The following TMEM59 variants were observed in gnomAD, a reference collection of about 807,000 sequenced individuals.
TMEM59 encodes the protein transmembrane protein 59, also known as dendritic cell factor 1.
TMEM59 carries 44 observed loss-of-function variants against 42.2 expected under a neutral mutation model. That is an observed-to-expected ratio of 1.04 (90% CI 0.82 to 1.34). TMEM59 has a LOEUF of 1.34. Ranked by LOEUF, TMEM59 falls within the 40% of genes most tolerant of loss-of-function variation. TMEM59 has a pLI of 0.00. For missense variants in TMEM59, 359 were observed against 382.8 expected (o/e 0.94, Z 0.52); for synonymous variants, 148 against 145.8 (o/e 1.02, Z -0.11).
intron 5 of TMEM59, 24 bp from the exon 6 acceptor site, chr1:54,040,861 T>C: frequency 6.3e-7 from 1 of 1,591,850 alleles, no homozygotes; most frequent in South Asian, 1.1e-5. Context: ...AAGTATGAGT[T>C]TATTATATCC....
chr1:54,047,855 G>A (rs1261714333), intron 1 of TMEM59: 1 of 161,810 alleles, frequency 6.2e-6, no homozygotes. Context: ...TGTTGTCCTA[G>A]TACTCAGTAG....
chr1:54,040,985 T>C (rs1245199936), intron 5 of TMEM59, 148 bp from the exon 6 acceptor site: 1 of 615,408 alleles, frequency 1.6e-6, no homozygotes, highest in Non-Finnish European at 2.8e-6. Context: ...CCAGTTTCTC[T>C]AGCACATCAA....
intron 7 of TMEM59, among the ~76,000 whole-genome samples, chr1:54,035,613 T>A (rs919673474): frequency 6.8e-6 from 1 of 146,296 alleles, no homozygotes; most frequent in African/African-American, 2.8e-5. Context: ...CTCCAGCATT[T>A]TTTTTTCTTT....
chr1:54,040,310 G>A (rs1286991351), intron 6 of TMEM59, among the ~76,000 whole-genome samples: 4 of 151,898 alleles, frequency 2.6e-5, no homozygotes, highest in African/African-American at 7.3e-5. Context: ...GCACCACCAC[G>A]CCCGGCTAAT....
At chr1:54,050,283 C>T (rs1389970414) in intron 1 of TMEM59, among the ~76,000 whole-genome samples, 2 of 151,020 alleles carry the variant, frequency 1.3e-5, no homozygotes, top group Non-Finnish European at 3.0e-5. Flanking sequence ...GCGCCATGTT[C>T]GGCTAATTTT....
chr1:54,043,462 T>C lies in TMEM59; in HGVS notation c.454A>G (p.Ser152Gly), dbSNP rs1657214556. The stretch of plus-strand genomic sequence containing the variant: ...CTCTGTGCGGAGTCCATCATGTCAC[T>C]CCAGAATGACCTCACCAGAGTTAGA... ...FPLTLVRSFW[S>G]DMMDSAQSFI... Residue 152 changes from serine to glycine, a missense_variant, in exon 4 of 8, where the codon AGT becomes GGT. Transcript: ENST00000234831. The C allele has an allele frequency of 1.3e-6, 2 of 1,577,912 alleles. No individual in the cohort carries two copies. The highest frequency in any genetic ancestry group is 1.2e-5 in the South Asian group (1 of 85,054).
intron 7 of TMEM59, 95 bp downstream of exon 7, chr1:54,036,515 T>C (rs1408500433): frequency 1.2e-6 from 1 of 848,936 alleles, no homozygotes; most frequent in Non-Finnish European, 1.7e-6. Flanking sequence ...CTCTTTCTAT[T>C]AGTAGAAAGG....
At chr1:54,051,294 T>A (rs566939199) in intron 1 of TMEM59, among the ~76,000 whole-genome samples, 1 of 152,220 alleles carries the variant, frequency 6.6e-6, no homozygotes, top group Non-Finnish European at 1.5e-5. Context: ...TCCTTAATTT[T>A]AAAACCCTAC....
At chr1:54,047,609 C>T (rs935357883) in intron 1 of TMEM59, 159 of 417,790 alleles carry the variant, frequency 3.8e-4, no homozygotes, top group Non-Finnish European at 8.4e-5. Flanking sequence ...GTAAAACCAC[C>T]ACCCTTTTTC....
chr1:54,041,854 T>C (rs1460182942), intron 4 of TMEM59, 49 bp from the exon 5 acceptor site: 3 of 1,437,860 alleles, frequency 2.1e-6, no homozygotes, highest in Admixed American at 1.8e-5. Flanking sequence ...CTTTAGCTTT[T>C]TTCAGTAACA....
intron 7 of TMEM59, among the ~76,000 whole-genome samples, chr1:54,032,922 CTCT>C (rs1557672377): frequency 6.7e-6 from 1 of 149,860 alleles, no homozygotes; most frequent in Non-Finnish European, 1.5e-5. Flanking sequence ...ATGTCTCTGT[CTCT>C]TTTTTTTTTT....
intron 1 of TMEM59, among the ~76,000 whole-genome samples, chr1:54,051,703 T>C (rs762385975): frequency 6.6e-6 from 1 of 152,202 alleles, no homozygotes; most frequent in Non-Finnish European, 1.5e-5. Context: ...CTCTTAATGA[T>C]GAGAAGTTTA....
intron 6 of TMEM59, 85 bp downstream of exon 6, chr1:54,040,671 A>G: frequency 1.7e-5 from 17 of 1,025,342 alleles, no homozygotes; most frequent in Non-Finnish European, 2.0e-5. Context: ...TTGAGGTGCT[A>G]ATTTTAAAAT....
upstream of TMEM59, chr1:54,053,216 G>C (rs746122826): frequency 3.7e-6 from 6 of 1,607,994 alleles, no homozygotes; most frequent in Admixed American, 3.4e-5. Context: ...CAGCAGCTCA[G>C]CTTGTTGCTG....
intron 7 of TMEM59, chr1:54,034,423 C>T (rs886833697): frequency 1.3e-5 from 2 of 152,194 alleles, no homozygotes; most frequent in Non-Finnish European, 2.9e-5. Flanking sequence ...AGGGGAACAA[C>T]TATCCTGCAA....
chr1:54,029,766 CAG>C lies in TMEM59; in HGVS notation c.*2382_*2383del, dbSNP rs1656707256. 6.6e-6 allele frequency: 1 copy of C among 152,122 alleles called. No individual in the cohort carries two copies. Among genetic ancestry groups the C allele is most frequent in the Non-Finnish European group, 1.5e-5 (1 of 68,034 alleles). 9.4% of individuals were successfully genotyped at this position (152,122 alleles called of 1,614,324 possible). A position where few individuals can be genotyped will look rare whatever the true frequency, so the allele number is the denominator to read the frequency against. ...CAACACTACAATCCAGCTTCCCAAA[CAG>C]AAGACTATATTTCCCATTATCTCAA... On this transcript the variant is annotated 3_prime_UTR_variant, in exon 8 of 8. Coordinates refer to ENST00000234831, the MANE Select transcript of TMEM59 (RefSeq NM_004872.5).
rs1164670629 is a variant in TMEM59 at position 54,036,498 on chromosome 1, ATCT to A, written c.816+109_816+111del. 1.9e-5 allele frequency: 14 copies of A among 724,178 alleles called. No individual in the cohort carries two copies. In the East Asian group the frequency reaches 4.0e-4, roughly 21 times the overall value. 44.9% of individuals were successfully genotyped at this position (724,178 alleles called of 1,614,324 possible). A position where few individuals can be genotyped will look rare whatever the true frequency, so the allele number is the denominator to read the frequency against. On this transcript the variant is annotated intron_variant, in intron 7 of 7. Coordinates refer to ENST00000234831, the MANE Select transcript of TMEM59 (RefSeq NM_004872.5). ...ACCTCTACCACATTAAAACCACCAC[ATCT>A]TCTCTCTTTCTATTAGTAGAAAGGC...
At chr1:54,033,735 C>G (rs1324624949) in intron 7 of TMEM59, 1 of 151,572 alleles carries the variant, frequency 6.6e-6, no homozygotes, top group African/African-American at 2.4e-5. Flanking sequence ...GATTATAAAG[C>G]AAGAACTCCA....
intron 3 of TMEM59, chr1:54,044,856 C>T (rs1240704629): frequency 6.6e-6 from 1 of 152,172 alleles, no homozygotes; most frequent in African/African-American, 2.4e-5. Context: ...AGTAGAAGCT[C>T]TTTATGTATA....
Sources: gnomAD v4.1 joint callset for allele counts (sites outside exome capture counted in the v4.1 genomes callset) on GRCh38, gnomAD v4.1.1 for gene constraint, MANE v1.5 for transcripts, NCBI Gene and HGNC (gene_info 2026-07-23, HGNC 2026-07-21) for gene names.